The following ITPR2 variants were observed in gnomAD, a reference collection of about 807,000 sequenced individuals.
ITPR2 encodes the protein inositol 1,4,5-trisphosphate receptor type 2.
Under a neutral mutation model 317.1 loss-of-function variants are expected in ITPR2, and 207 were observed. The observed-to-expected ratio is 0.65, with a 90% CI of 0.58 to 0.73. ITPR2 has a LOEUF of 0.73. ITPR2 is among the 30% of genes least tolerant of loss of function. ITPR2 has a pLI of 0.00. For synonymous variants in ITPR2, 1,156 were observed against 1,149.1 expected, an observed-to-expected ratio of 1.01 and a Z score of -0.12; for missense variants, 2,613 against 3,284.0, an observed-to-expected ratio of 0.80 and a Z score of 4.99.
At chr12:26,667,324 A>G (rs1332719365) in intron 13 of ITPR2, among the ~76,000 whole-genome samples, 4 of 152,230 alleles carry the variant, frequency 2.6e-5, no homozygotes, top group Non-Finnish European at 5.9e-5. Context: ...CACACCTAGA[A>G]TCCATAATTT....
At chr12:26,413,430 A>G (rs994643105) in intron 51 of ITPR2, among the ~76,000 whole-genome samples, 7 of 152,230 alleles carry the variant, frequency 4.6e-5, no homozygotes, top group Non-Finnish European at 8.8e-5. Context: ...GGTGTCCTCA[A>G]TAATGTCACT....
In ITPR2 at chr12:26,831,833, A is replaced by AATATATAAATATATTAAT. The variant is rs1951113615; in HGVS notation, c.92+856_92+857insATTAATATATTTATATAT. ...ATATATAAATATATATTATACATAA[A>AATATATAAATATATTAAT]ATATATAAATATATATTATACATAA... On this transcript the variant is annotated intron_variant, in intron 1 of 56. Coordinates refer to ENST00000381340, the MANE Select transcript of ITPR2 (RefSeq NM_002223.4). This position sits in a 1 kb window ranked among gnomAD's most constrained non-coding sequence, Gnocchi z 4.9. 6.9e-6 allele frequency among the ~76,000 whole-genome samples: 1 copy of AATATATAAATATATTAAT among 145,346 alleles called. No individual in the cohort carries two copies. The highest frequency in any genetic ancestry group is 2.5e-5 in the African/African-American group (1 of 39,724).
intron 55 of ITPR2, among the ~76,000 whole-genome samples, chr12:26,364,278 G>C (rs138882353): frequency 6.6e-6 from 1 of 152,186 alleles, no homozygotes; most frequent in Non-Finnish European, 1.5e-5. Flanking sequence ...TTTATCAATC[G>C]TATTGATGGC....
At chr12:26,552,792 G>A (rs1405860729) in intron 36 of ITPR2, among the ~76,000 whole-genome samples, 2 of 152,028 alleles carry the variant, frequency 1.3e-5, no homozygotes, top group Non-Finnish European at 2.9e-5. Context: ...TCGTTTCGGT[G>A]GACATGATAA....
At chr12:26,444,872 T>C (rs553062211) in intron 45 of ITPR2, among the ~76,000 whole-genome samples, 18 of 152,266 alleles carry the variant, frequency 1.2e-4, no homozygotes, top group African/African-American at 4.1e-4. Flanking sequence ...TATTTCAGAA[T>C]TGGTTTTCTG....
At chr12:26,487,544 T>C (rs1033039424) in intron 39 of ITPR2, among the ~76,000 whole-genome samples, 1 of 152,214 alleles carries the variant, frequency 6.6e-6, no homozygotes, top group Non-Finnish European at 1.5e-5. Flanking sequence ...TAAGAAGTTG[T>C]ATGGAAAGAA....
At chr12:26,717,768 G>A (rs572499319) in intron 5 of ITPR2, among the ~76,000 whole-genome samples, 34 of 152,320 alleles carry the variant, frequency 2.2e-4, no homozygotes, top group Admixed American at 1.0e-3. Context: ...AAGAGTAGAA[G>A]AGAGATTTTT....
intron 20 of ITPR2, 77 bp downstream of exon 20, chr12:26,655,631 A>G: frequency 1.6e-6 from 2 of 1,245,432 alleles, no homozygotes; most frequent in Non-Finnish European, 2.2e-6. Context: ...AAAAAAAAAA[A>G]AGCAGAGAAA....
chr12:26,516,108 A>C lies in ITPR2; in HGVS notation c.5074-20848T>G, dbSNP rs368191018. ...CACTGAACTCTAGCCTGGGTGACAG[A>C]GTGAGACCCTGTCTCAAAAGAAAAA... On this transcript the variant is annotated intron_variant, in intron 37 of 56. Transcript: ENST00000381340. 7.0e-5 allele frequency among the ~76,000 whole-genome samples: 10 copies of C among 141,988 alleles called. 1 individual carries two copies. The East Asian group carries it at 9.4e-4, about 13-fold the overall frequency. 93.1% of individuals were successfully genotyped at this position (141,988 alleles called of 152,430 possible). A position where few individuals can be genotyped will look rare whatever the true frequency, so the allele number is the denominator to read the frequency against.
At chr12:26,504,762 T>G (rs1943147872) in intron 37 of ITPR2, among the ~76,000 whole-genome samples, 1 of 152,184 alleles carries the variant, frequency 6.6e-6, no homozygotes, top group South Asian at 2.1e-4. Flanking sequence ...TATATCTGCA[T>G]GATAGCAATA....
intron 45 of ITPR2, among the ~76,000 whole-genome samples, chr12:26,450,798 G>A (rs12228255): frequency 0.03 from 4,538 of 152,188 alleles, 193 homozygotes; most frequent in East Asian, 0.21. Flanking sequence ...TTTTCTCAAA[G>A]AGGAGATAGT....
chr12:26,371,015 A>G (rs188322011), intron 55 of ITPR2, among the ~76,000 whole-genome samples: 207 of 152,256 alleles, frequency 1.4e-3, no homozygotes, highest in African/African-American at 4.8e-3. Flanking sequence ...CCCATCTTCA[A>G]TTTCATTCTG....
chr12:26,574,733 C>T (rs1945236587), intron 34 of ITPR2, among the ~76,000 whole-genome samples: 1 of 152,048 alleles, frequency 6.6e-6, no homozygotes, highest in Admixed American at 6.6e-5. Flanking sequence ...TCTGGTGAGG[C>T]CTCAGGAAGC....
rs149908130 is a variant in ITPR2, at chr12:26,490,761, C to T, written c.5370+3392G>A. Among the ~76,000 whole-genome samples, 66 of 152,286 alleles carry T rather than the reference C, an allele frequency of 4.3e-4. No individual in the cohort carries two copies. The East Asian group carries it at 9.5e-3, about 22-fold the overall frequency. ...CCAGGAGGCAGAAGTTGAAGTGAGCCGCTATCGCGCCATTGCACTCCAGCC... is the reference window on the plus strand; with the variant it reads ...CCAGGAGGCAGAAGTTGAAGTGAGCTGCTATCGCGCCATTGCACTCCAGCC... On this transcript the variant is annotated intron_variant, in intron 39 of 56. Coordinates refer to ENST00000381340, the MANE Select transcript of ITPR2 (RefSeq NM_002223.4).
chr12:26,509,180 G>A (rs12371745), intron 37 of ITPR2, among the ~76,000 whole-genome samples: 80,335 of 152,008 alleles, frequency 0.53, 22,062 homozygotes, highest in South Asian at 0.65. Context: ...GAAATGTCCA[G>A]AAGAGGCAAA....
At chr12:26,769,494 T>C (rs1251517899) in intron 2 of ITPR2, among the ~76,000 whole-genome samples, 1 of 152,088 alleles carries the variant, frequency 6.6e-6, no homozygotes, top group East Asian at 1.9e-4. Flanking sequence ...CTAAAACTCT[T>C]GGTGGTAGCT....
intron 55 of ITPR2, among the ~76,000 whole-genome samples, chr12:26,363,568 C>T (rs991387323): frequency 6.6e-6 from 1 of 152,002 alleles, no homozygotes; most frequent in African/African-American, 2.4e-5. Context: ...AACTAGAATA[C>T]AGATTTTTGA....
chr12:26,654,968 T>C (rs76071463), intron 20 of ITPR2, among the ~76,000 whole-genome samples: 28,335 of 152,144 alleles, frequency 0.19, 3,564 homozygotes, highest in East Asian at 0.55. Context: ...TCCTGACCCA[T>C]AGAAGCTATG....
intron 32 of ITPR2, among the ~76,000 whole-genome samples, chr12:26,583,725 T>C (rs950701811): frequency 6.6e-6 from 1 of 152,184 alleles, no homozygotes; most frequent in Non-Finnish European, 1.5e-5. Context: ...TGTCTTATAG[T>C]GTGTCACTAA....
Sources: gnomAD v4.1 joint callset for allele counts (sites outside exome capture counted in the v4.1 genomes callset) on GRCh38, gnomAD v4.1.1 for gene constraint, Gnocchi (gnomAD v3.1) non-coding constraint, MANE v1.5 for transcripts, NCBI Gene and HGNC (gene_info 2026-07-23, HGNC 2026-07-21) for gene names.